Variants in C17orf67 observed in about 807,000 individuals in gnomAD.
C17orf67 encodes the protein uncharacterized protein C17orf67.
C17orf67 carries 12 observed loss-of-function variants against 11.2 expected under a neutral mutation model. The observed-to-expected ratio is 1.07, with a 90% CI of 0.68 to 1.73. C17orf67 has a LOEUF of 1.73. Among genes scored for constraint, C17orf67 ranks in the 40% most tolerant of loss-of-function variants. The pLI is 0.00. For missense variants in C17orf67, 115 were observed against 113.5 expected (o/e 1.01, Z -0.06); for synonymous variants, 59 against 46.9 (o/e 1.26, Z -1.05).
At chr17:56,830,189 A>G (rs1382189653) in intron 2 of C17orf67, among the ~76,000 whole-genome samples, 2 of 150,874 alleles carry the variant, frequency 1.3e-5, no homozygotes, top group African/African-American at 2.4e-5. Context: ...TAAAAACACA[A>G]AAAAAATTAG....
chr17:56,829,757 TTC>T (rs1163894446), intron 2 of C17orf67, among the ~76,000 whole-genome samples: 1 of 152,206 alleles, frequency 6.6e-6, no homozygotes, highest in Non-Finnish European at 1.5e-5. Flanking sequence ...AAAGTCTGGA[TTC>T]TCTCTCATTA....
intron 6 of C17orf67, among the ~76,000 whole-genome samples, chr17:56,798,011 G>A (rs565780960): frequency 5.9e-5 from 9 of 152,270 alleles, no homozygotes; most frequent in South Asian, 4.1e-4. Flanking sequence ...ATCTTCTAGT[G>A]CAATCTCTGG....
At chr17:56,795,267 A>G (rs1905191513) in intron 6 of C17orf67, 87 bp from the exon 7 acceptor site, 1 of 1,182,592 alleles carries the variant, frequency 8.5e-7, no homozygotes, top group African/African-American at 1.5e-5. Flanking sequence ...GGCTCCCTAG[A>G]CAGGGCAGGA....
intron 4 of C17orf67, among the ~76,000 whole-genome samples, chr17:56,816,346 C>T (rs1174247329): frequency 6.6e-6 from 1 of 152,114 alleles, no homozygotes; most frequent in African/African-American, 2.4e-5. Context: ...GAGTTCAAAT[C>T]CTAGCTTCAA....
At chr17:56,794,704 G>A (rs1275032239) in intron 7 of C17orf67, among the ~76,000 whole-genome samples, 1 of 152,182 alleles carries the variant, frequency 6.6e-6, no homozygotes, top group Non-Finnish European at 1.5e-5. Flanking sequence ...CACGAATGCT[G>A]AGCCCACCTG....
At chr17:56,808,679 C>T (rs1905515944) in intron 6 of C17orf67, among the ~76,000 whole-genome samples, 1 of 152,206 alleles carries the variant, frequency 6.6e-6, no homozygotes, top group South Asian at 2.1e-4. Flanking sequence ...TGCAGTGAAT[C>T]AGCAGGATCT....
intron 4 of C17orf67, among the ~76,000 whole-genome samples, chr17:56,822,232 G>A (rs1905921067): frequency 6.6e-6 from 1 of 152,208 alleles, no homozygotes; most frequent in African/African-American, 2.4e-5. Context: ...ATTCTAATGG[G>A]ATGGTTAGTG....
In C17orf67 at chr17:56,795,127, C is replaced by T; in HGVS notation, c.210G>A (p.Leu70=). 6.2e-7 allele frequency: 1 copy of T among 1,614,180 alleles called. No homozygotes were observed. Among genetic ancestry groups the T allele is most frequent in the Non-Finnish European group, 8.5e-7 (1 of 1,180,012 alleles). Reference sequence around the variant, plus strand: ...TGCAGTGAGGGTTCAGCCAGTGCTCCAGGAACTGCTCCTCAGCGCGATGCT... The same window carrying T: ...TGCAGTGAGGGTTCAGCCAGTGCTCTAGGAACTGCTCCTCAGCGCGATGCT... ...ALEHRAEEQF[L]EHWLNPHCKP... Residue 70 remains leucine (L), a synonymous_variant, in exon 7 of 8, where the codon CTG becomes CTA. Transcript: ENST00000397861.
At chr17:56,795,721 T>C (rs1165159107) in intron 6 of C17orf67, among the ~76,000 whole-genome samples, 4 of 152,120 alleles carry the variant, frequency 2.6e-5, no homozygotes, top group African/African-American at 9.7e-5. Context: ...CAGCAATAAA[T>C]TTGTCATAGC....
At chr17:56,794,849 T>A (rs1258299093) in intron 7 of C17orf67, among the ~76,000 whole-genome samples, 195 bp downstream of exon 7, 1 of 151,954 alleles carries the variant, frequency 6.6e-6, no homozygotes, top group Non-Finnish European at 1.5e-5. Context: ...GGCTCCCCCA[T>A]TTGTCCCCCA....
Position 56,833,717 on chromosome 17 carries a change from T to A in C17orf67, c.-1101A>T, listed in dbSNP as rs1283492125. On this transcript the variant is annotated 5_prime_UTR_variant, in exon 1 of 8. An upstream start codon of the reference 5' UTR is lost. Coordinates refer to ENST00000397861, the MANE Select transcript of C17orf67 (RefSeq NM_001085430.4). The stretch of plus-strand genomic sequence containing the variant: ...ATCCCCGGCGGCGGCGGCGCCGGCA[T>A]CGGCTAGAGGTTCGGCTCAAGTCGG... 1 of 151,658 alleles carries A rather than the reference T, an allele frequency of 6.6e-6. No individual in the cohort carries two copies. Among genetic ancestry groups the A allele is most frequent in the African/African-American group, 2.4e-5 (1 of 41,328 alleles). 9.4% of individuals were successfully genotyped at this position (151,658 alleles called of 1,614,324 possible). A position where few individuals can be genotyped will look rare whatever the true frequency, so the allele number is the denominator to read the frequency against.
chr17:56,798,522 C>G (rs950758938), intron 6 of C17orf67, among the ~76,000 whole-genome samples: 5 of 152,084 alleles, frequency 3.3e-5, no homozygotes, highest in African/African-American at 1.2e-4. Context: ...AGGGCTCACT[C>G]TTGGTATTAC....
At chr17:56,819,376 A>G (rs1905842864) in intron 4 of C17orf67, among the ~76,000 whole-genome samples, 1 of 151,184 alleles carries the variant, frequency 6.6e-6, no homozygotes, top group Non-Finnish European at 1.5e-5. Context: ...CACCACCACC[A>G]CTCTCCATCT....
intron 4 of C17orf67, among the ~76,000 whole-genome samples, chr17:56,816,973 C>T (rs542987737): frequency 2.0e-5 from 3 of 152,246 alleles, no homozygotes; most frequent in African/African-American, 4.8e-5. Context: ...CCTCAGCCTC[C>T]CGAGTAGCTG....
In C17orf67 at chr17:56,794,611, G is replaced by A. The variant is rs185013893; in HGVS notation, c.*20+433C>T. Among the ~76,000 whole-genome samples the A allele has an allele frequency of 2.0e-5, 3 of 152,276 alleles. No homozygotes were observed. In the East Asian group the frequency reaches 5.8e-4, roughly 29 times the overall value. ...CCTTGAAGGCTGCAGGAAGGCAGTAGGGAACAGGAGCGAGATCTGGGAAAG... is the reference window on the plus strand; with the variant it reads ...CCTTGAAGGCTGCAGGAAGGCAGTAAGGAACAGGAGCGAGATCTGGGAAAG... On this transcript the variant is annotated intron_variant, in intron 7 of 7. Transcript: ENST00000397861.
intron 4 of C17orf67, among the ~76,000 whole-genome samples, chr17:56,823,971 C>T (rs1377498161): frequency 2.6e-5 from 4 of 152,228 alleles, no homozygotes; most frequent in African/African-American, 9.7e-5. Context: ...GGACAGGCTG[C>T]CTGTTGAGCC....
intron 4 of C17orf67, among the ~76,000 whole-genome samples, chr17:56,817,665 G>A (rs958180065): frequency 2.6e-5 from 4 of 151,888 alleles, no homozygotes; most frequent in Admixed American, 2.6e-4. Flanking sequence ...ATGTTAGCCA[G>A]GCTGGTCTCA....
intron 6 of C17orf67, among the ~76,000 whole-genome samples, chr17:56,813,550 T>C (rs1303499915): frequency 6.7e-6 from 1 of 150,058 alleles, no homozygotes; most frequent in Middle Eastern, 3.4e-3. Context: ...AAACCCAAGA[T>C]ACCTCTTATT....
intron 6 of C17orf67, among the ~76,000 whole-genome samples, chr17:56,814,411 C>G (rs1388107125): frequency 2.6e-5 from 4 of 152,124 alleles, no homozygotes; most frequent in African/African-American, 9.7e-5. Flanking sequence ...GGCCAGAGAC[C>G]AAAATCAGAG....
Sources: gnomAD v4.1 joint callset for allele counts (sites outside exome capture counted in the v4.1 genomes callset) on GRCh38, gnomAD v4.1.1 for gene constraint, MANE v1.5 for transcripts, NCBI Gene and HGNC (gene_info 2026-07-23, HGNC 2026-07-21) for gene names.